Variants in ANKH observed in about 807,000 individuals in gnomAD.
ANKH encodes the protein ANKH inorganic pyrophosphate transport regulator.
ANKH carries 15 observed loss-of-function variants against 49.0 expected under a neutral mutation model. The observed-to-expected ratio is 0.31, with a 90% CI of 0.20 to 0.47. The LOEUF is 0.47. ANKH is among the 20% of genes least tolerant of loss of function. The pLI, the probability that ANKH is intolerant of heterozygous loss-of-function variation, is 1.00. For missense variants in ANKH, 429 were observed against 652.0 expected, an observed-to-expected ratio of 0.66 and a Z score of 3.72; for synonymous variants, 273 against 260.0, an observed-to-expected ratio of 1.05 and a Z score of -0.48.
intron 8 of ANKH, among the ~76,000 whole-genome samples, chr5:14,720,928 C>T (rs1318618967): frequency 2.0e-5 from 3 of 152,220 alleles, no homozygotes; most frequent in Non-Finnish European, 4.4e-5. Flanking sequence ...GGAAATGGGC[C>T]TCTGTGGCAG....
chr5:14,774,772 A>G (rs1317307748), intron 1 of ANKH, among the ~76,000 whole-genome samples: 2 of 152,212 alleles, frequency 1.3e-5, no homozygotes, highest in African/African-American at 4.8e-5. Flanking sequence ...AGCTCCAGGA[A>G]GCAGAGACCT....
intron 8 of ANKH, 151 bp from the exon 9 acceptor site, chr5:14,716,986 T>C: frequency 1.1e-6 from 1 of 929,394 alleles, no homozygotes; most frequent in Non-Finnish European, 1.7e-6. Flanking sequence ...ATCTGCCACC[T>C]GCTTGCTTGA....
At chr5:14,863,993 T>C (rs554075406) in intron 1 of ANKH, among the ~76,000 whole-genome samples, 3 of 152,232 alleles carry the variant, frequency 2.0e-5, no homozygotes, top group African/African-American at 4.8e-5. Flanking sequence ...GATGGGAGGA[T>C]TGCTTAAGCC....
intron 2 of ANKH, among the ~76,000 whole-genome samples, chr5:14,762,994 T>G (rs1739139843): frequency 6.6e-6 from 1 of 152,224 alleles, no homozygotes; most frequent in Non-Finnish European, 1.5e-5. Flanking sequence ...TGGACAGCTT[T>G]GACCCTCCTA....
At chr5:14,821,582 C>G (rs1741197481) in intron 1 of ANKH, among the ~76,000 whole-genome samples, 1 of 152,160 alleles carries the variant, frequency 6.6e-6, no homozygotes. Flanking sequence ...CATTAATGTA[C>G]CATCTTCACT....
At chr5:14,796,255 A>G (rs942578082) in intron 1 of ANKH, among the ~76,000 whole-genome samples, 2 of 151,838 alleles carry the variant, frequency 1.3e-5, no homozygotes, top group Admixed American at 6.6e-5. Flanking sequence ...TGCTGGTGAA[A>G]CAGGTCACCC....
At chr5:14,732,520 C>G (rs1393083694) in intron 8 of ANKH, among the ~76,000 whole-genome samples, 1 of 151,816 alleles carries the variant, frequency 6.6e-6, no homozygotes, top group Non-Finnish European at 1.5e-5. Context: ...TAAAATTATT[C>G]CTTGGCATAA....
chr5:14,806,321 TAA>T (rs34217627), intron 1 of ANKH, among the ~76,000 whole-genome samples: 1 of 147,742 alleles, frequency 6.8e-6, no homozygotes, highest in Non-Finnish European at 1.5e-5. Flanking sequence ...TTTGGGTGGG[TAA>T]AAAAAAAAAA....
chr5:14,793,055 TATAAA>T (rs1740246881), intron 1 of ANKH, among the ~76,000 whole-genome samples: 1 of 50,646 alleles, frequency 2.0e-5, no homozygotes, highest in East Asian at 7.4e-4. Flanking sequence ...TATAAATATA[TATAAA>T]ATATATATAA....
intron 1 of ANKH, among the ~76,000 whole-genome samples, chr5:14,815,649 CT>C (rs1741013100): frequency 6.6e-6 from 1 of 152,076 alleles, no homozygotes; most frequent in South Asian, 2.1e-4. Flanking sequence ...TTCGCCCCTA[CT>C]AAGGAGTATT....
Position 14,713,644 on chromosome 5 carries a change from C to A in ANKH, c.1165G>T (p.Gly389Trp). 1.2e-6 allele frequency: 2 copies of A among 1,614,110 alleles called. No homozygotes were observed. The highest frequency in any genetic ancestry group is 1.7e-6 in the Non-Finnish European group (2 of 1,180,040). The part of the protein sequence containing the change: ...VPVTVRAHLT[G>W]WLMTLKKTFV... ...GTTTTCTTCAGTGTCATCAGCCACC[C>A]GGTGAGATGCGCCCTCACTGTGACT... The change falls in exon 10 of 12, where the codon GGG becomes TGG. Residue 389 changes from glycine (G) to tryptophan (W), a missense_variant. By Grantham distance (184) the Gly-to-Trp change is radical. Transcript: ENST00000284268. This position sits in a 1 kb window ranked among gnomAD's most constrained non-coding sequence, Gnocchi z 4.4.
At chr5:14,804,226 G>A (rs1296795334) in intron 1 of ANKH, among the ~76,000 whole-genome samples, 1 of 152,150 alleles carries the variant, frequency 6.6e-6, no homozygotes, top group Non-Finnish European at 1.5e-5. Context: ...ACGAAGGAAC[G>A]GAGGCAGAGA....
intron 6 of ANKH, among the ~76,000 whole-genome samples, chr5:14,747,436 G>A (rs1211446765): frequency 2.0e-5 from 3 of 152,168 alleles, no homozygotes; most frequent in East Asian, 1.9e-4. Flanking sequence ...TCAAATATTA[G>A]TTGGGCATGG....
At chr5:14,839,978 G>T (rs1741770714) in intron 1 of ANKH, among the ~76,000 whole-genome samples, 1 of 152,152 alleles carries the variant, frequency 6.6e-6, no homozygotes, top group Non-Finnish European at 1.5e-5. Context: ...AAATGTTCAG[G>T]CTGACCTTGT....
At chr5:14,790,911 A>G (rs1287900191) in intron 1 of ANKH, among the ~76,000 whole-genome samples, 1 of 152,122 alleles carries the variant, frequency 6.6e-6, no homozygotes, top group Non-Finnish European at 1.5e-5. Context: ...TGCCCAGCCA[A>G]GATCCAACTC....
chr5:14,798,642 T>TTAG (rs1364896517), intron 1 of ANKH, among the ~76,000 whole-genome samples: 1 of 152,174 alleles, frequency 6.6e-6, no homozygotes, highest in Non-Finnish European at 1.5e-5. Flanking sequence ...TTTTTCATTA[T>TTAG]TATTATATCT....
intron 1 of ANKH, among the ~76,000 whole-genome samples, chr5:14,819,938 C>T (rs185990080): frequency 0.011 from 1,642 of 147,590 alleles, 32 homozygotes; most frequent in African/African-American, 0.039. Context: ...CACACACACA[C>T]ATTAAGCCTA....
chr5:14,795,158 T>G (rs1740333938), intron 1 of ANKH, among the ~76,000 whole-genome samples: 1 of 152,192 alleles, frequency 6.6e-6, no homozygotes, highest in Non-Finnish European at 1.5e-5. Flanking sequence ...CATTTTCCAT[T>G]TTCTTGGTGG....
Position 14,797,953 on chromosome 5 carries a change from G to A in ANKH, c.97-28762C>T, listed in dbSNP as rs563373943. The A allele has an allele frequency of 3.5e-4, 558 of 1,574,538 alleles. 5 individuals are homozygous for A. The highest frequency in any genetic ancestry group is 2.9e-3 in the Middle Eastern group (17 of 5,944). On this transcript the variant is annotated intron_variant, in intron 1 of 11. Transcript: ENST00000284268. The stretch of plus-strand genomic sequence containing the variant: ...GGATGTTTTGTATAGTCAAAGACAA[G>A]AATATCACTGGAAGGAGTCTTTGTT...
Sources: gnomAD v4.1 joint callset for allele counts (sites outside exome capture counted in the v4.1 genomes callset) on GRCh38, gnomAD v4.1.1 for gene constraint, Gnocchi (gnomAD v3.1) non-coding constraint, MANE v1.5 for transcripts, NCBI Gene and HGNC (gene_info 2026-07-23, HGNC 2026-07-21) for gene names.